The following DOCK1 variants were observed in gnomAD, a reference collection of about 807,000 sequenced individuals.
The protein encoded by DOCK1 is dedicator of cytokinesis protein 1.
Under a neutral mutation model 262.7 loss-of-function variants are expected in DOCK1, and 138 were observed. The ratio of observed to expected loss-of-function variants is 0.53; its 90% CI spans 0.46 to 0.61. The LOEUF (loss-of-function observed/expected upper bound fraction) is 0.61, where lower values mean the gene tolerates loss of function less well. Among genes scored for constraint, DOCK1 ranks in the 20% least tolerant of loss-of-function variants. DOCK1 has a pLI of 0.00. For missense variants in DOCK1, 1,908 were observed against 2,370.7 expected (o/e 0.80, Z 4.05); for synonymous variants, 866 against 867.4 (o/e 1.00, Z 0.03).
chr10:127,326,699 A>G (rs538176341), intron 29 of DOCK1, among the ~76,000 whole-genome samples: 1 of 152,358 alleles, frequency 6.6e-6, no homozygotes, highest in African/African-American at 2.4e-5. Context: ...GGCTTTTAGA[A>G]TGCTGAATTT....
At chr10:127,138,720 G>A (rs1308773495) in intron 27 of DOCK1, among the ~76,000 whole-genome samples, 3 of 152,172 alleles carry the variant, frequency 2.0e-5, no homozygotes, top group Non-Finnish European at 4.4e-5. Flanking sequence ...AAGCCATGGC[G>A]TGCAAGCACA....
chr10:127,015,393 A>G (rs991989413), intron 12 of DOCK1, among the ~76,000 whole-genome samples: 4 of 151,106 alleles, frequency 2.6e-5, no homozygotes, highest in East Asian at 2.0e-4. Flanking sequence ...CTGTGGCTGC[A>G]TGGGCACCAT....
At chr10:127,319,929 G>C (rs888302540) in intron 29 of DOCK1, among the ~76,000 whole-genome samples, 4 of 152,150 alleles carry the variant, frequency 2.6e-5, no homozygotes, top group Admixed American at 2.0e-4. Context: ...TTTGTCCAGT[G>C]GTCCACTTGT....
At chr10:127,398,236 C>G (rs950112194) in intron 38 of DOCK1, among the ~76,000 whole-genome samples, 2 of 152,204 alleles carry the variant, frequency 1.3e-5, no homozygotes, top group African/African-American at 4.8e-5. Context: ...GTTGAGCACT[C>G]CAGGAGGACC....
chr10:127,173,428 A>G (rs1317189277), intron 27 of DOCK1, among the ~76,000 whole-genome samples: 1 of 152,158 alleles, frequency 6.6e-6, no homozygotes, highest in Non-Finnish European at 1.5e-5. Flanking sequence ...GCAATCTTCC[A>G]TACTTGTTCT....
intron 26 of DOCK1, 134 bp from the exon 27 acceptor site, chr10:127,127,535 A>G (rs978395100): frequency 7.3e-5 from 38 of 517,516 alleles, no homozygotes; most frequent in Non-Finnish European, 1.2e-4. Context: ...GCCTTTGACA[A>G]GGGCCATTTT....
chr10:127,028,401 T>C (rs1269065919), intron 16 of DOCK1, among the ~76,000 whole-genome samples: 3 of 152,058 alleles, frequency 2.0e-5, no homozygotes, highest in Non-Finnish European at 4.4e-5. Context: ...ACACAAGAAG[T>C]TTATTGTGTT....
intron 1 of DOCK1, among the ~76,000 whole-genome samples, chr10:126,945,344 C>T (rs2035309299): frequency 6.6e-6 from 1 of 152,018 alleles, no homozygotes; most frequent in African/African-American, 2.4e-5. Flanking sequence ...TTCCTTCCCA[C>T]GTGGGCCTCT....
intron 33 of DOCK1, among the ~76,000 whole-genome samples, chr10:127,363,024 C>CATAT (rs35518989): frequency 1.3e-5 from 1 of 75,526 alleles, no homozygotes; most frequent in South Asian, 4.6e-4. Flanking sequence ...CACACACACA[C>CATAT]ACACATGCAC....
intron 29 of DOCK1, among the ~76,000 whole-genome samples, chr10:127,311,220 T>C (rs568120824): frequency 1.3e-5 from 2 of 152,320 alleles, no homozygotes; most frequent in East Asian, 3.9e-4. Flanking sequence ...CCTGGGGCCA[T>C]GCTTTGAAGG....
chr10:127,429,724 T>C (rs2069149290), intron 47 of DOCK1, among the ~76,000 whole-genome samples: 1 of 152,110 alleles, frequency 6.6e-6, no homozygotes, highest in Non-Finnish European at 1.5e-5. Flanking sequence ...CAGCTTCTCC[T>C]GACCTTTAGG....
At chr10:127,039,853 A>G (rs904150812) in intron 19 of DOCK1, among the ~76,000 whole-genome samples, 10 of 152,224 alleles carry the variant, frequency 6.6e-5, no homozygotes, top group Non-Finnish European at 1.3e-4. Flanking sequence ...AGCAAAAGAT[A>G]CGCTGTCCCA....
At chr10:127,381,849 T>C (rs1475545495) in intron 37 of DOCK1, among the ~76,000 whole-genome samples, 2 of 152,218 alleles carry the variant, frequency 1.3e-5, no homozygotes, top group Non-Finnish European at 2.9e-5. Context: ...CTGATTCTTC[T>C]AAGGAGTGTT....
rs748554704 is a variant in DOCK1 at position 127,447,400 on chromosome 10, A to T, written c.5420A>T (p.Glu1807Val). 18 of 1,612,162 alleles carry T rather than the reference A, an allele frequency of 1.1e-5. No homozygotes were observed. Among genetic ancestry groups the T allele is most frequent in the Non-Finnish European group, 1.5e-5 (18 of 1,179,222 alleles). ...ATAGATCCCGGTTTTCCAGGCTTGGAGCTGAACGGCATGACGGGGGCGGAC... is the reference window on the plus strand; with the variant it reads ...ATAGATCCCGGTTTTCCAGGCTTGGTGCTGAACGGCATGACGGGGGCGGAC... ...KLSFSMQSSLELNGMTGADVA... is the reference protein window; with the variant it reads ...KLSFSMQSSLVLNGMTGADVA... Residue 1807 changes from glutamate to valine, a missense_variant, in exon 51 of 52, where the codon GAG becomes GTG. Physicochemically the swap from Glu to Val is moderately radical, Grantham distance 121. This residue lies in a region of DOCK1 where 383 missense variants were observed against 420.1 expected (regional missense o/e 0.91). Coordinates refer to ENST00000623213, the MANE Select transcript of DOCK1 (RefSeq NM_001290223.2).
At chr10:127,112,192 A>G (rs2048908528) in intron 25 of DOCK1, among the ~76,000 whole-genome samples, 1 of 152,010 alleles carries the variant, frequency 6.6e-6, no homozygotes, top group Non-Finnish European at 1.5e-5. Flanking sequence ...CTGTATTTTT[A>G]GTAGAGATGG....
intron 21 of DOCK1, among the ~76,000 whole-genome samples, chr10:127,043,564 G>A (rs1284385665): frequency 6.6e-6 from 1 of 152,208 alleles, no homozygotes; most frequent in Non-Finnish European, 1.5e-5. Context: ...ATGCAGTTTT[G>A]TACTTTGCAA....
chr10:127,423,609 C>T (rs996632806), intron 46 of DOCK1, among the ~76,000 whole-genome samples: 9 of 152,186 alleles, frequency 5.9e-5, no homozygotes, highest in Admixed American at 5.2e-4. Context: ...TCCATACAGT[C>T]TCATATTAAA....
rs944947323 is a variant in DOCK1, at chr10:126,967,731, C to T, written c.47-2971C>T. The stretch of plus-strand genomic sequence containing the variant: ...CCTCTGCTTCTGACTCTGACCCTCC[C>T]GTCTTCCTCTTATAAGGACCTTTGT... On this transcript the variant is annotated intron_variant, in intron 1 of 51. Transcript: ENST00000623213. 8.6e-4 allele frequency among the ~76,000 whole-genome samples: 131 copies of T among 152,278 alleles called. 1 individual carries two copies. The highest frequency in any genetic ancestry group is 4.0e-3 in the Admixed American group (61 of 15,292).
chr10:127,173,407 T>A (rs1252854463), intron 27 of DOCK1, among the ~76,000 whole-genome samples: 1 of 152,148 alleles, frequency 6.6e-6, no homozygotes, highest in Non-Finnish European at 1.5e-5. Flanking sequence ...ACCCTGAGGA[T>A]CTTATTTAAA....
Sources: gnomAD v4.1 joint callset for allele counts (sites outside exome capture counted in the v4.1 genomes callset) on GRCh38, gnomAD v4.1.1 for gene constraint, gnomAD v4.1.1 regional missense constraint, MANE v1.5 for transcripts, NCBI Gene and HGNC (gene_info 2026-07-23, HGNC 2026-07-21) for gene names.